Variants in FAAH2 observed in about 807,000 individuals in gnomAD.
FAAH2 encodes fatty-acid amide hydrolase 2.
A neutral mutation model predicts 36.9 loss-of-function variants in FAAH2; 60 were observed. That is an observed-to-expected ratio of 1.63 (90% confidence interval 1.32 to 2.02). The LOEUF (loss-of-function observed/expected upper bound fraction) is 2.02, where lower values mean the gene tolerates loss of function less well. Among genes scored for constraint, FAAH2 ranks in the 30% most tolerant of loss-of-function variants. The probability of loss-of-function intolerance (pLI) is 0.00; values close to 1 mark genes in which losing one functional copy is unlikely to be tolerated. For synonymous variants in FAAH2, 214 were observed against 143.8 expected (o/e 1.49, Z -3.49); for missense variants, 689 against 397.5 (o/e 1.73, Z -6.23).
intron 8 of FAAH2, among the ~76,000 whole-genome samples, chrX:57,442,451 C>G (rs1414277793): frequency 1.8e-5 from 2 of 109,843 alleles, no homozygotes; most frequent in South Asian, 7.6e-4. Context: ...TTTTTGTTTT[C>G]CATTTGCTTG....
chrX:57,241,631 G>A, the FAAH2 span, among the ~76,000 whole-genome samples: 2 of 111,285 alleles, frequency 1.8e-5, no homozygotes, highest in Non-Finnish European at 3.8e-5. Flanking sequence ...TAGAGATTCT[G>A]GTGCACCATC....
chrX:57,475,972 A>G (rs1188557823), intron 10 of FAAH2, among the ~76,000 whole-genome samples: 3 of 111,404 alleles, frequency 2.7e-5, no homozygotes, highest in Middle Eastern at 9.4e-3. Context: ...ATGGGAGTTC[A>G]ATCATGATTT....
intron 10 of FAAH2, among the ~76,000 whole-genome samples, chrX:57,486,369 C>T (rs1006877595): frequency 9.0e-6 from 1 of 111,257 alleles, no homozygotes. Flanking sequence ...AGATGCTCTA[C>T]AGTTGCCTCC....
At chrX:57,451,503 A>G (rs2056782910) in intron 10 of FAAH2, among the ~76,000 whole-genome samples, 1 of 112,020 alleles carries the variant, frequency 8.9e-6, no homozygotes, top group South Asian at 3.7e-4. Flanking sequence ...GAATTTCAGT[A>G]GAAGAAAACA....
At chrX:57,193,150 C>G in the FAAH2 span, among the ~76,000 whole-genome samples, 1 of 111,892 alleles carries the variant, frequency 8.9e-6, no homozygotes, top group African/African-American at 3.2e-5. Context: ...TTCTGTTTCT[C>G]AGCAAGGAAC....
At chrX:57,476,896 A>G (rs1158019495) in intron 10 of FAAH2, among the ~76,000 whole-genome samples, 1 of 108,766 alleles carries the variant, frequency 9.2e-6, no homozygotes, top group Non-Finnish European at 1.9e-5. Context: ...TGGTCTATTC[A>G]GGGTTTCTAA....
the FAAH2 span, among the ~76,000 whole-genome samples, chrX:57,257,321 A>C: frequency 8.9e-6 from 1 of 112,397 alleles, no homozygotes; most frequent in African/African-American, 3.2e-5. Flanking sequence ...GACTGGATTA[A>C]GAAAATGTGG....
chrX:57,210,401 A>G, the FAAH2 span, among the ~76,000 whole-genome samples: 1 of 112,467 alleles, frequency 8.9e-6, no homozygotes, highest in Non-Finnish European at 1.9e-5. Flanking sequence ...CAATCCAGAA[A>G]CATATACAAA....
intron 5 of FAAH2, among the ~76,000 whole-genome samples, chrX:57,346,176 TGGTTA>T (rs1171313210): frequency 9.0e-6 from 1 of 111,231 alleles, no homozygotes; most frequent in Non-Finnish European, 1.9e-5. Context: ...CTTCATTTAT[TGGTTA>T]GTTTTCTGCC....
intron 7 of FAAH2, among the ~76,000 whole-genome samples, chrX:57,389,544 T>C (rs1198922110): frequency 2.7e-5 from 3 of 109,632 alleles, no homozygotes; most frequent in African/African-American, 9.9e-5. Context: ...TTGTTGAAAA[T>C]TGCAAAATTT....
At chrX:57,390,739 G>C (rs2055146086) in intron 7 of FAAH2, among the ~76,000 whole-genome samples, 2 of 111,155 alleles carry the variant, frequency 1.8e-5, no homozygotes, top group South Asian at 3.7e-4. Context: ...TAAAAACTTA[G>C]GTTTATTCCA....
chrX:57,280,535 T>TTA, the FAAH2 span, among the ~76,000 whole-genome samples: 6 of 104,717 alleles, frequency 5.7e-5, no homozygotes, highest in South Asian at 8.3e-4. Context: ...GGCTAAAATT[T>TTA]AAAAAAAAAA....
chrX:57,245,150 G>A, the FAAH2 span, among the ~76,000 whole-genome samples: 1 of 111,522 alleles, frequency 9.0e-6, no homozygotes, highest in Non-Finnish European at 1.9e-5. Context: ...ATTACATAAT[G>A]GTAAAGGGAT....
the FAAH2 span, among the ~76,000 whole-genome samples, chrX:57,180,598 G>A: frequency 1.8e-5 from 2 of 110,756 alleles, 1 homozygote. Context: ...GAACAATAAA[G>A]AGCTCCAAAA....
chrX:57,277,606 T>A, the FAAH2 span, among the ~76,000 whole-genome samples: 17 of 111,773 alleles, frequency 1.5e-4, no homozygotes, highest in Non-Finnish European at 2.8e-4. Context: ...TAAAGGGTAT[T>A]CAATTAGGAA....
Position 57,431,908 on chromosome X carries a change from CTTTTA to C in FAAH2, c.997-8_997-4del. 1 of 1,150,604 alleles carries C rather than the reference CTTTTA, an allele frequency of 8.7e-7. No homozygotes were observed. Among genetic ancestry groups the C allele is most frequent in the African/African-American group, 1.8e-5 (1 of 54,673 alleles). 94.8% of individuals were successfully genotyped at this position (1,150,604 alleles called of 1,213,427 possible). Reference sequence around the variant, plus strand: ...CATGTTTGTCTGTTTTTATATCTTTCTTTTATAAGGTTGTGGTTCACCTTGAAACT... The same window carrying C: ...CATGTTTGTCTGTTTTTATATCTTTCTAAGGTTGTGGTTCACCTTGAAACT... On this transcript the variant is annotated splice_region_variant and splice_polypyrimidine_tract_variant and intron_variant, in intron 7 of 10. Coordinates refer to ENST00000374900, the MANE Select transcript of FAAH2 (RefSeq NM_174912.4).
intron 7 of FAAH2, among the ~76,000 whole-genome samples, chrX:57,386,757 T>C (rs1275828239): frequency 8.9e-6 from 1 of 112,031 alleles, no homozygotes; most frequent in Non-Finnish European, 1.9e-5. Context: ...CTAAATGGGT[T>C]TTTTCACTGT....
chrX:57,245,137 G>T, the FAAH2 span, among the ~76,000 whole-genome samples: 217 of 111,375 alleles, frequency 1.9e-3, 5 homozygotes, highest in East Asian at 0.047. Context: ...GACAAAGGAG[G>T]GCATTACATA....
the FAAH2 span, among the ~76,000 whole-genome samples, chrX:57,164,586 T>C: frequency 8.9e-6 from 1 of 112,104 alleles, no homozygotes; most frequent in Non-Finnish European, 1.9e-5. Flanking sequence ...TAAAAGGCTT[T>C]CATAAATGGA....
Sources: gnomAD v4.1 joint callset for allele counts (sites outside exome capture counted in the v4.1 genomes callset) on GRCh38, gnomAD v4.1.1 for gene constraint, MANE v1.5 for transcripts, NCBI Gene and HGNC (gene_info 2026-07-23, HGNC 2026-07-21) for gene names.